Variants in AGMO observed in about 807,000 individuals in gnomAD.
AGMO encodes glyceryl-ether monooxygenase.
AGMO carries 75 observed loss-of-function variants against 60.2 expected under a neutral mutation model. The observed-to-expected ratio is 1.25, with a 90% confidence interval of 1.03 to 1.51. The LOEUF (loss-of-function observed/expected upper bound fraction) is 1.51, where lower values mean the gene tolerates loss of function less well. Ranked by LOEUF, AGMO falls within the 40% of genes most tolerant of loss-of-function variation. The probability of loss-of-function intolerance (pLI) is 0.00; values close to 1 mark genes in which losing one functional copy is unlikely to be tolerated. For synonymous variants in AGMO, 261 were observed against 177.1 expected (o/e 1.47, Z -3.76); for missense variants, 763 against 525.5 (o/e 1.45, Z -4.42).
At chr7:15,126,863 C>A in the AGMO span, among the ~76,000 whole-genome samples, 1 of 152,060 alleles carries the variant, frequency 6.6e-6, no homozygotes, top group Non-Finnish European at 1.5e-5. Flanking sequence ...CCTTTTAGGT[C>A]TGATAAGAAA....
At chr7:15,202,594 A>T (rs1016510800) in intron 12 of AGMO, among the ~76,000 whole-genome samples, 2 of 150,226 alleles carry the variant, frequency 1.3e-5, no homozygotes, top group African/African-American at 4.9e-5. Context: ...AGTCAGGTTG[A>T]TGGACTTCTT....
At position 15,387,543 on chromosome 7, in the gene AGMO, A is replaced by C. The variant is rs1322475180; in HGVS notation, c.823-3T>G. 6.3e-7 allele frequency: 1 copy of C among 1,589,798 alleles called. No homozygotes were observed. Among genetic ancestry groups the C allele is most frequent in the East Asian group, 2.2e-5 (1 of 44,796 alleles). ...CATATGGAAAATAAGTGATGGAACT[A>C]GAAACAATAAAAAAAGAGCTTATTT... On this transcript the variant is annotated splice_polypyrimidine_tract_variant and splice_region_variant and intron_variant, in intron 8 of 12. Coordinates refer to ENST00000342526, the MANE Select transcript of AGMO (RefSeq NM_001004320.2).
intron 10 of AGMO, among the ~76,000 whole-genome samples, chr7:15,366,461 T>C (rs1382832086): frequency 6.6e-6 from 1 of 152,056 alleles, no homozygotes; most frequent in African/African-American, 2.4e-5. Flanking sequence ...AAAGTGTTCA[T>C]CATCATTTAA....
intron 3 of AGMO, among the ~76,000 whole-genome samples, chr7:15,490,742 T>C (rs1444463240): frequency 2.0e-5 from 3 of 152,102 alleles, no homozygotes; most frequent in Non-Finnish European, 4.4e-5. Context: ...GGAAAATTGA[T>C]ATAAGAAAAT....
chr7:15,336,061 G>A (rs1428385116), intron 12 of AGMO, among the ~76,000 whole-genome samples: 3 of 152,090 alleles, frequency 2.0e-5, no homozygotes, highest in Non-Finnish European at 2.9e-5. Flanking sequence ...AAAGCTAACA[G>A]GTTGTCCGCT....
rs1053442203 is a variant in AGMO, at chr7:15,534,978, A to T, written c.409+9794T>A. Among the ~76,000 whole-genome samples, 5 of 152,098 alleles carry T rather than the reference A, an allele frequency of 3.3e-5. No homozygotes were observed. The South Asian group carries it at 1.0e-3, about 32-fold the overall frequency. On this transcript the variant is annotated intron_variant, in intron 3 of 12. Transcript: ENST00000342526. ...CATAACTTTTTTACTTATGTATCAG[A>T]CTGCACCTTAAGTGTTTTGTCCATT...
intron 3 of AGMO, among the ~76,000 whole-genome samples, chr7:15,525,012 C>A (rs921654772): frequency 2.6e-5 from 4 of 152,124 alleles, no homozygotes; most frequent in Admixed American, 6.6e-5. Context: ...GAATGGATCT[C>A]TTCTTGGTCA....
chr7:15,560,164 A>T lies in AGMO; in HGVS notation c.234T>A (p.Ala78=). 6.2e-7 allele frequency: 1 copy of T among 1,612,750 alleles called. No individual in the cohort carries two copies. Among genetic ancestry groups the T allele is most frequent in the Non-Finnish European group, 8.5e-7 (1 of 1,179,042 alleles). The change falls in exon 2 of 13, where the codon GCT becomes GCA. Residue 78 remains alanine, a synonymous_variant. Coordinates refer to ENST00000342526, the MANE Select transcript of AGMO (RefSeq NM_001004320.2). ...RLDDALTSIS[A]GVLSRLPSLF... is the part of the protein sequence containing the mutation. ...ACCTTGGAAGTCGAGACAGAACACC[A>T]GCTGAGATTGACGTTAAAGCATCAT...
At chr7:15,307,706 T>G (rs1780656982) in intron 12 of AGMO, among the ~76,000 whole-genome samples, 1 of 152,054 alleles carries the variant, frequency 6.6e-6, no homozygotes, top group Non-Finnish European at 1.5e-5. Flanking sequence ...GTTTCCTAAG[T>G]TACAGATTTG....
intron 12 of AGMO, among the ~76,000 whole-genome samples, chr7:15,248,204 A>ATC (rs1418826750): frequency 2.1e-5 from 2 of 95,264 alleles, no homozygotes; most frequent in African/African-American, 7.9e-5. Flanking sequence ...ATATATATAT[A>ATC]TATATATATA....
intron 12 of AGMO, among the ~76,000 whole-genome samples, chr7:15,348,198 C>T (rs1450345618): frequency 6.6e-6 from 1 of 152,022 alleles, no homozygotes; most frequent in African/African-American, 2.4e-5. Flanking sequence ...TCCCAAAGGT[C>T]CATATCCTAA....
At chr7:15,523,842 A>T (rs1784060225) in intron 3 of AGMO, among the ~76,000 whole-genome samples, 1 of 152,170 alleles carries the variant, frequency 6.6e-6, no homozygotes, top group African/African-American at 2.4e-5. Flanking sequence ...ATAATAATAA[A>T]AAAGACACCC....
At chr7:15,409,936 A>G (rs1784794458) in intron 5 of AGMO, among the ~76,000 whole-genome samples, 1 of 151,790 alleles carries the variant, frequency 6.6e-6, no homozygotes, top group Non-Finnish European at 1.5e-5. Context: ...GTTATTGAAA[A>G]TTTAATGTGA....
chr7:15,171,439 C>T, the AGMO span, among the ~76,000 whole-genome samples: 321 of 152,312 alleles, frequency 2.1e-3, 1 homozygote, highest in Admixed American at 6.3e-3. Context: ...ACACTTCTTT[C>T]CCCTTTCCAT....
intron 12 of AGMO, among the ~76,000 whole-genome samples, chr7:15,202,628 C>T (rs1781327696): frequency 6.6e-6 from 1 of 152,066 alleles, no homozygotes; most frequent in Non-Finnish European, 1.5e-5. Context: ...TCCTTTTAGC[C>T]TATAACACCC....
At chr7:15,189,055 G>T in the AGMO span, among the ~76,000 whole-genome samples, 1 of 152,150 alleles carries the variant, frequency 6.6e-6, no homozygotes, top group Non-Finnish European at 1.5e-5. Context: ...CTTTTAAAAA[G>T]TTGGGGAAAA....
At chr7:15,170,220 G>C in the AGMO span, among the ~76,000 whole-genome samples, 1 of 152,188 alleles carries the variant, frequency 6.6e-6, no homozygotes, top group Admixed American at 6.5e-5. Context: ...CGTTCCCAGA[G>C]CTCTGACTTT....
At chr7:15,439,899 G>C (rs112433653) in intron 3 of AGMO, among the ~76,000 whole-genome samples, 3 of 152,068 alleles carry the variant, frequency 2.0e-5, no homozygotes, top group African/African-American at 4.8e-5. Context: ...GAGACCCCCC[G>C]ACCCTGTCTC....
the AGMO span, among the ~76,000 whole-genome samples, chr7:15,192,581 T>C: frequency 2.6e-5 from 4 of 152,160 alleles, no homozygotes; most frequent in African/African-American, 7.2e-5. Context: ...TCCCGGACAC[T>C]GGACAAAGGT....
Sources: gnomAD v4.1 joint callset for allele counts (sites outside exome capture counted in the v4.1 genomes callset) on GRCh38, gnomAD v4.1.1 for gene constraint, MANE v1.5 for transcripts, NCBI Gene and HGNC (gene_info 2026-07-23, HGNC 2026-07-21) for gene names.